Variants in ZBTB46 observed in about 807,000 individuals in gnomAD.
ZBTB46 encodes zinc finger and BTB domain containing 46.
ZBTB46 carries 8 observed loss-of-function variants against 44.1 expected under a neutral mutation model. The ratio of observed to expected loss-of-function variants is 0.18; its 90% CI spans 0.11 to 0.33. The LOEUF (loss-of-function observed/expected upper bound fraction) is 0.33. Ranked by LOEUF, ZBTB46 falls within the 10% of genes least tolerant of loss-of-function variation. The probability of loss-of-function intolerance (pLI) is 1.00; values close to 1 mark genes in which losing one functional copy is unlikely to be tolerated. For missense variants in ZBTB46, 651 were observed against 847.7 expected (o/e 0.77, Z 2.88); for synonymous variants, 409 against 382.3 (o/e 1.07, Z -0.81).
chr20:63,786,148 A>AC (rs760681068), intron 2 of ZBTB46, among the ~76,000 whole-genome samples: 103 of 152,102 alleles, frequency 6.8e-4, no homozygotes, highest in Admixed American at 1.8e-3. Context: ...ACATCAGAAT[A>AC]AACCCCCCAA....
intron 1 of ZBTB46, among the ~76,000 whole-genome samples, chr20:63,794,354 G>C (rs2092584726): frequency 6.6e-6 from 1 of 152,012 alleles, no homozygotes; most frequent in Non-Finnish European, 1.5e-5. Context: ...CCAATGCCTG[G>C]CTAACTCTTT....
In ZBTB46 at chr20:63,790,493, A is replaced by G; in HGVS notation, c.265T>C (p.Phe89Leu). 1 of 1,613,260 alleles carries G rather than the reference A, an allele frequency of 6.2e-7. No individual in the cohort carries two copies. The highest frequency in any genetic ancestry group is 8.5e-7 in the Non-Finnish European group (1 of 1,179,738). ...AGCGCCAGGTGCGCTGAGTACATGA[A>G]GTCGATGATGGCCTTGAAGCCCTGG... ...TAQGFKAIIDFMYSAHLALTS... is the reference protein window; with the variant it reads ...TAQGFKAIIDLMYSAHLALTS... The change falls in exon 2 of 5, where the codon TTC becomes CTC. Residue 89 changes from phenylalanine (F) to leucine (L), a missense_variant. Phe to Leu is a conservative substitution (Grantham distance 22). This residue lies in a region of ZBTB46 where 65 missense variants were observed against 167.9 expected (regional missense o/e 0.39). Coordinates refer to ENST00000245663, the MANE Select transcript of ZBTB46 (RefSeq NM_001369741.1).
chr20:63,808,830 T>C (rs1346184097), intron 1 of ZBTB46, among the ~76,000 whole-genome samples: 1 of 150,600 alleles, frequency 6.6e-6, no homozygotes, highest in Non-Finnish European at 1.5e-5. Context: ...AAAAAAAAAT[T>C]AGCCGGGCGT....
At chr20:63,819,447 C>T (rs1217075112) in intron 1 of ZBTB46, among the ~76,000 whole-genome samples, 4 of 152,220 alleles carry the variant, frequency 2.6e-5, no homozygotes, top group Non-Finnish European at 5.9e-5. Context: ...CACCCGGAGG[C>T]GTCTGTGATC....
At chr20:63,776,104 G>A (rs777908565) in intron 2 of ZBTB46, 142 bp from the exon 3 acceptor site, 380 of 1,096,362 alleles carry the variant, frequency 3.5e-4, no homozygotes, top group Non-Finnish European at 4.0e-4. Flanking sequence ...CCTGGGAGCC[G>A]GGCACCTGCC....
At position 63,759,219 on chromosome 20, in the gene ZBTB46, T is replaced by C. The variant is rs1020879818; in HGVS notation, c.1223-6358A>G. Among the ~76,000 whole-genome samples, 15 of 152,360 alleles carry C rather than the reference T, an allele frequency of 9.8e-5. No individual in the cohort carries two copies. In the East Asian group the frequency reaches 2.5e-3, roughly 25 times the overall value. On this transcript the variant is annotated intron_variant, in intron 3 of 4. Transcript: ENST00000245663. Reference sequence around the variant, plus strand: ...CTATAAAATGAAACTCTGTTATTTATAGAAATACAATTGACTTTTGTATAT... The same window carrying C: ...CTATAAAATGAAACTCTGTTATTTACAGAAATACAATTGACTTTTGTATAT...
chr20:63,815,110 G>C, intron 1 of ZBTB46: 1 of 207,542 alleles, frequency 4.8e-6, no homozygotes, highest in South Asian at 6.0e-5. Flanking sequence ...AGGGGCCACA[G>C]CTCACCAGCT....
At chr20:63,765,546 G>A (rs866773231) in intron 3 of ZBTB46, among the ~76,000 whole-genome samples, 1 of 152,112 alleles carries the variant, frequency 6.6e-6, no homozygotes, top group Non-Finnish European at 1.5e-5. Context: ...CTCCCTCCTC[G>A]GCCTGCCGAG....
chr20:63,809,140 G>A (rs1044306021), intron 1 of ZBTB46, among the ~76,000 whole-genome samples: 7 of 152,128 alleles, frequency 4.6e-5, no homozygotes, highest in South Asian at 2.1e-4. Context: ...CGCAGGGACC[G>A]CAGCGCCTGG....
chr20:63,785,235 A>AAAAG (rs1555846648), intron 2 of ZBTB46, among the ~76,000 whole-genome samples: 1 of 145,012 alleles, frequency 6.9e-6, no homozygotes, highest in African/African-American at 2.5e-5. Flanking sequence ...AAAAAAAAAA[A>AAAAG]AAAAGAAAAG....
At chr20:63,761,244 G>A (rs777349740) in intron 3 of ZBTB46, among the ~76,000 whole-genome samples, 3 of 134,928 alleles carry the variant, frequency 2.2e-5, no homozygotes, top group Admixed American at 1.5e-4. Flanking sequence ...AGTGATTGAC[G>A]CACTTCAGCC....
chr20:63,752,686 C>T lies in ZBTB46; in HGVS notation c.1398G>A (p.Leu466=), dbSNP rs1400040451. Residue 466 remains leucine, a splice_region_variant and synonymous_variant, in exon 4 of 5, where the codon CTG becomes CTA. Coordinates refer to ENST00000245663, the MANE Select transcript of ZBTB46 (RefSeq NM_001369741.1). This position sits in a 1 kb window ranked among gnomAD's most constrained non-coding sequence, Gnocchi z 5.6. ...TRREHMKRHT[L]VHSKDKKYVC... ...GCACGCGGACCCTCCCCGCACTCAC[C>T]AGCGTGTGGCGCTTCATGTGCTCGC... 5 of 1,577,218 alleles carry T rather than the reference C, an allele frequency of 3.2e-6. No individual in the cohort carries two copies. The South Asian group carries it at 5.7e-5, about 18-fold the overall frequency.
chr20:63,789,693 A>T (rs2092543862), intron 2 of ZBTB46, 128 bp downstream of exon 2: 3 of 1,457,356 alleles, frequency 2.1e-6, no homozygotes, highest in African/African-American at 1.4e-5. Flanking sequence ...AACCTCCTGT[A>T]AGAGGAAGTG....
At position 63,765,996 on chromosome 20, in the gene ZBTB46, G is replaced by A. The variant is rs184880651; in HGVS notation, c.1222+9682C>T. Among the ~76,000 whole-genome samples the A allele has an allele frequency of 1.5e-3, 222 of 152,030 alleles. 1 individual carries two copies. Among genetic ancestry groups the A allele is most frequent in the Middle Eastern group, 0.014 (4 of 292 alleles). ...CAACCCCCAAGACAACTCTCTCCCC[G>A]CTGGGCCCACCTGCTGCCCACCCTG... On this transcript the variant is annotated intron_variant, in intron 3 of 4. Transcript: ENST00000245663.
chr20:63,827,334 G>A (rs1463690996), intron 1 of ZBTB46, among the ~76,000 whole-genome samples: 6 of 152,202 alleles, frequency 3.9e-5, no homozygotes, highest in African/African-American at 1.4e-4. Flanking sequence ...ATGGCCGGGC[G>A]CGGTGGCTCA....
chr20:63,831,028 G>C (rs1343123041), intron 1 of ZBTB46, 69 bp downstream of exon 1: 12 of 142,248 alleles, frequency 8.4e-5, no homozygotes, highest in African/African-American at 3.0e-4. Context: ...CCCGGCTCCC[G>C]GCTCCGGGCC....
intron 1 of ZBTB46, among the ~76,000 whole-genome samples, chr20:63,829,275 C>A (rs2092835608): frequency 6.6e-6 from 1 of 152,192 alleles, no homozygotes; most frequent in African/African-American, 2.4e-5. Context: ...GGTCTGAGCA[C>A]AGAACGACTC....
At chr20:63,833,496 C>T (rs1466490387), upstream of ZBTB46, among the ~76,000 whole-genome samples, 1 of 152,158 alleles carries the variant, frequency 6.6e-6, no homozygotes, top group East Asian at 1.9e-4. Flanking sequence ...GAGGCTGAGG[C>T]AGGAGAATGG....
intron 3 of ZBTB46, among the ~76,000 whole-genome samples, chr20:63,764,071 C>T (rs1019911637): frequency 1.3e-5 from 2 of 151,826 alleles, no homozygotes; most frequent in African/African-American, 2.4e-5. Context: ...TGGGCTCAAG[C>T]GATCCTCCCA....
Sources: gnomAD v4.1 joint callset for allele counts (sites outside exome capture counted in the v4.1 genomes callset) on GRCh38, gnomAD v4.1.1 for gene constraint, gnomAD v4.1.1 regional missense constraint, Gnocchi (gnomAD v3.1) non-coding constraint, MANE v1.5 for transcripts, NCBI Gene and HGNC (gene_info 2026-07-23, HGNC 2026-07-21) for gene names.